The following EYA4 variants were observed in gnomAD, a reference collection of about 807,000 sequenced individuals.
EYA4 encodes protein phosphatase EYA4.
Under a neutral mutation model 87.9 loss-of-function variants are expected in EYA4, and 31 were observed. That is an observed-to-expected ratio of 0.35 (90% CI 0.27 to 0.48). The LOEUF (loss-of-function observed/expected upper bound fraction) is 0.48. EYA4 is among the 20% of genes least tolerant of loss of function. The pLI is 0.99. For synonymous variants in EYA4, 263 were observed against 270.6 expected, an observed-to-expected ratio of 0.97 and a Z score of 0.28; for missense variants, 678 against 761.4, an observed-to-expected ratio of 0.89 and a Z score of 1.29.
chr6:133,293,545 A>G (rs889312479), intron 2 of EYA4, among the ~76,000 whole-genome samples: 2 of 152,130 alleles, frequency 1.3e-5, no homozygotes, highest in African/African-American at 4.8e-5. Flanking sequence ...CTGTCATAGC[A>G]CCTTAACTGC....
intron 3 of EYA4, among the ~76,000 whole-genome samples, chr6:133,396,621 A>G (rs568661970): frequency 7.9e-5 from 12 of 152,300 alleles, no homozygotes; most frequent in African/African-American, 2.2e-4. Flanking sequence ...TTATTATCCT[A>G]GGTTTTTCTC....
intron 3 of EYA4, among the ~76,000 whole-genome samples, chr6:133,398,548 T>C (rs547003021): frequency 2.0e-5 from 3 of 152,300 alleles, no homozygotes; most frequent in African/African-American, 7.2e-5. Flanking sequence ...CTTTATCCAG[T>C]TGGCTGTTTA....
chr6:133,269,975 T>C (rs190567758), intron 1 of EYA4, among the ~76,000 whole-genome samples: 108 of 152,340 alleles, frequency 7.1e-4, no homozygotes, highest in African/African-American at 2.5e-3. Flanking sequence ...GTATCCAGCA[T>C]GGGAGAAAGA....
At position 133,468,747 on chromosome 6, in the gene EYA4, C is replaced by G. The variant is rs201985955; in HGVS notation, c.970+16C>G. 456 of 1,611,660 alleles carry G rather than the reference C, an allele frequency of 2.8e-4. 1 individual carries two copies. The highest frequency in any genetic ancestry group is 1.5e-4 in the Admixed American group (9 of 59,840). ...AACCAACCAGGTACAGATCTTCACC[C>G]AGGTGAAATACTTTTATATGTTTTG... On this transcript the variant is annotated intron_variant, in intron 11 of 19. Coordinates refer to ENST00000355286, the MANE Select transcript of EYA4 (RefSeq NM_004100.5).
rs549555387 is a variant in EYA4, at chr6:133,352,406, A to G, written c.34-29986A>G. Among the ~76,000 whole-genome samples, 6 of 152,300 alleles carry G rather than the reference A, an allele frequency of 3.9e-5. No individual in the cohort carries two copies. The South Asian group carries it at 1.2e-3, about 32-fold the overall frequency. The stretch of plus-strand genomic sequence containing the variant: ...CTTAAAAGGTAAACAATGAAACAAC[A>G]TGGAAAATGTTTTAAAACAATATAA... On this transcript the variant is annotated intron_variant, in intron 2 of 19. Coordinates refer to ENST00000355286, the MANE Select transcript of EYA4 (RefSeq NM_004100.5).
chr6:133,370,466 T>A (rs1399209574), intron 2 of EYA4, among the ~76,000 whole-genome samples: 1 of 152,224 alleles, frequency 6.6e-6, no homozygotes, highest in Non-Finnish European at 1.5e-5. Context: ...ACATAGGAAC[T>A]GAGCAAGCCA....
At position 133,322,488 on chromosome 6, in the gene EYA4, T is replaced by C. The variant is rs559824896; in HGVS notation, c.33+47675T>C. Among the ~76,000 whole-genome samples the C allele has an allele frequency of 2.0e-5, 3 of 152,294 alleles. No homozygotes were observed. In the East Asian group the frequency reaches 5.8e-4, roughly 29 times the overall value. On this transcript the variant is annotated intron_variant, in intron 2 of 19. Transcript: ENST00000355286. ...CAAGAGTCTTTGAAAACATGGAGTA[T>C]GGAGCTGAGAAAGAAATGTGTGTAT...
At position 133,351,985 on chromosome 6, in the gene EYA4, GAA is replaced by G. The variant is rs11311561; in HGVS notation, c.34-30395_34-30394del. Among the ~76,000 whole-genome samples, 139 of 130,342 alleles carry G rather than the reference GAA, an allele frequency of 1.1e-3. 1 individual carries two copies. The highest frequency in any genetic ancestry group is 3.6e-3 in the African/African-American group (129 of 35,924). 85.5% of individuals were successfully genotyped at this position (130,342 alleles called of 152,430 possible). A position where few individuals can be genotyped will look rare whatever the true frequency, so the allele number is the denominator to read the frequency against. ...TGGCAAAACTTCATGCTGTGTTAAA[GAA>G]AAAAAAAAAAACAGGAGAAGATAGT... On this transcript the variant is annotated intron_variant, in intron 2 of 19. Transcript: ENST00000355286.
intron 2 of EYA4, among the ~76,000 whole-genome samples, chr6:133,334,264 G>A (rs148702285): frequency 7.0e-4 from 106 of 152,368 alleles, no homozygotes; most frequent in African/African-American, 2.5e-3. Flanking sequence ...TAAATTGTCT[G>A]TGATGTGCCT....
chr6:133,350,113 G>A (rs1353415195), intron 2 of EYA4, among the ~76,000 whole-genome samples: 1 of 151,944 alleles, frequency 6.6e-6, no homozygotes, highest in Non-Finnish European at 1.5e-5. Context: ...TCTCTTGTTT[G>A]CTCTTCATTC....
intron 1 of EYA4, among the ~76,000 whole-genome samples, chr6:133,243,467 G>A (rs542459902): frequency 1.3e-5 from 2 of 152,168 alleles, no homozygotes; most frequent in East Asian, 3.9e-4. Context: ...TCTTAGGAGC[G>A]TTTAACAACC....
rs777827307 is a variant in EYA4, at chr6:133,481,521, C to T, written c.1029C>T (p.Thr343=). The change falls in exon 12 of 20, where the codon ACC becomes ACT. Residue 343 remains threonine (T), a synonymous_variant. Coordinates refer to ENST00000355286, the MANE Select transcript of EYA4 (RefSeq NM_004100.5). ...CCATCAAAGATCTTGATGAGAGAAC[C>T]TGTAGGAGTTCTGGGTCAAAGTCCA... The part of the protein sequence containing the change: ...STPIKDLDER[T]CRSSGSKSRG... 5 of 1,613,602 alleles carry T rather than the reference C, an allele frequency of 3.1e-6. No individual in the cohort carries two copies. The highest frequency in any genetic ancestry group is 4.2e-6 in the Non-Finnish European group (5 of 1,179,770).
intron 2 of EYA4, among the ~76,000 whole-genome samples, chr6:133,344,684 ATTATAT>A (rs1471478096): frequency 6.6e-6 from 1 of 152,058 alleles, no homozygotes; most frequent in Non-Finnish European, 1.5e-5. Context: ...GCATTTAGAG[ATTATAT>A]TTATGAAACA....
intron 3 of EYA4, among the ~76,000 whole-genome samples, chr6:133,409,207 C>T (rs913260713): frequency 6.6e-5 from 10 of 152,150 alleles, no homozygotes; most frequent in Admixed American, 2.0e-4. Flanking sequence ...GTGAAATCAG[C>T]CCCACATAGA....
intron 13 of EYA4, among the ~76,000 whole-genome samples, chr6:133,493,463 T>C (rs565164705): frequency 6.6e-6 from 1 of 152,218 alleles, no homozygotes; most frequent in Non-Finnish European, 1.5e-5. Flanking sequence ...ACTAAAGACT[T>C]AAATATAAGA....
At chr6:133,464,912 A>C in intron 10 of EYA4, 54 bp downstream of exon 10, 4 of 1,222,968 alleles carry the variant, frequency 3.3e-6, no homozygotes, top group Non-Finnish European at 4.8e-6. Context: ...ATTTTTGAAG[A>C]GTACTCTCAG....
At chr6:133,441,710 T>G (rs1792312958) in intron 3 of EYA4, among the ~76,000 whole-genome samples, 1 of 151,746 alleles carries the variant, frequency 6.6e-6, no homozygotes, top group South Asian at 2.1e-4. Context: ...TAGTAGGTAA[T>G]TGGAATGAGT....
intron 13 of EYA4, 134 bp from the exon 14 acceptor site, chr6:133,505,972 G>T (rs1445560807): frequency 1.5e-6 from 1 of 674,728 alleles, no homozygotes. Context: ...GGAAAACTGA[G>T]AAATCTTTTG....
intron 13 of EYA4, among the ~76,000 whole-genome samples, chr6:133,495,653 C>T (rs1035126825): frequency 1.3e-5 from 2 of 151,960 alleles, no homozygotes; most frequent in Non-Finnish European, 2.9e-5. Flanking sequence ...ACAAGTTGAC[C>T]ACTTAGGAGA....
Sources: allele counts gnomAD v4.1 joint callset (sites outside exome capture counted in the v4.1 genomes callset), GRCh38; gene constraint gnomAD v4.1.1; transcripts MANE v1.5; gene names NCBI Gene and HGNC (gene_info 2026-07-23, HGNC 2026-07-21).